The following CAST variants were observed in gnomAD, a reference collection of about 807,000 sequenced individuals.
CAST encodes the protein calpastatin.
CAST carries 76 observed loss-of-function variants against 119.6 expected under a neutral mutation model. The observed-to-expected ratio is 0.64, with a 90% CI of 0.53 to 0.77. CAST has a LOEUF of 0.77. Among genes scored for constraint, CAST ranks in the 30% least tolerant of loss-of-function variants. CAST has a pLI of 0.00. For missense variants in CAST, 953 were observed against 946.5 expected (o/e 1.01, Z -0.09); for synonymous variants, 319 against 331.6 (o/e 0.96, Z 0.41).
At chr5:96,349,137 C>CTCTTTTTTTTTT in the CAST span, among the ~76,000 whole-genome samples, 1 of 31,322 alleles carries the variant, frequency 3.2e-5, no homozygotes, top group Non-Finnish European at 5.9e-5. Context: ...AACAAGGACA[C>CTCTTTTTTTTTT]TATTTTTTTT....
intron 1 of CAST, among the ~76,000 whole-genome samples, chr5:96,625,371 A>G (rs538471361): frequency 6.6e-6 from 1 of 152,290 alleles, no homozygotes; most frequent in African/African-American, 2.4e-5. Context: ...ACTGGAATAG[A>G]CCAAAATTGT....
the CAST span, chr5:95,961,925 C>T: frequency 4.6e-6 from 3 of 646,006 alleles, no homozygotes; most frequent in African/African-American, 1.9e-5. Context: ...GCCCCGGGCT[C>T]GTCTCATTGG....
At chr5:96,770,913 A>T (rs764937796) in intron 30 of CAST, among the ~76,000 whole-genome samples, 37 of 152,146 alleles carry the variant, frequency 2.4e-4, no homozygotes, top group Non-Finnish European at 4.1e-4. Flanking sequence ...AGAACATGGA[A>T]GTTGGAAACT....
chr5:96,384,572 C>T, the CAST span, among the ~76,000 whole-genome samples: 3 of 152,112 alleles, frequency 2.0e-5, no homozygotes, highest in Non-Finnish European at 4.4e-5. Context: ...ACCTCTTTTC[C>T]GTCAGCTGAC....
At chr5:96,046,259 A>G in the CAST span, among the ~76,000 whole-genome samples, 1 of 152,148 alleles carries the variant, frequency 6.6e-6, no homozygotes, top group African/African-American at 2.4e-5. Context: ...TATAATAAAC[A>G]TATTAGAGTG....
chr5:96,195,731 G>A, the CAST span, among the ~76,000 whole-genome samples: 1,260 of 152,188 alleles, frequency 8.3e-3, 21 homozygotes, highest in African/African-American at 0.028. Flanking sequence ...AGTCATGACC[G>A]AATTATAAAA....
At chr5:96,109,844 A>G in the CAST span, among the ~76,000 whole-genome samples, 1 of 152,154 alleles carries the variant, frequency 6.6e-6, no homozygotes, top group African/African-American at 2.4e-5. Context: ...TTTATAAACT[A>G]ACGTCTTAAT....
the CAST span, among the ~76,000 whole-genome samples, chr5:96,006,921 A>G: frequency 6.6e-6 from 1 of 152,238 alleles, no homozygotes; most frequent in African/African-American, 2.4e-5. Context: ...AAAGAAAATG[A>G]CAGCCTTGCA....
At chr5:96,116,540 T>G in the CAST span, among the ~76,000 whole-genome samples, 10 of 152,222 alleles carry the variant, frequency 6.6e-5, no homozygotes, top group Non-Finnish European at 1.2e-4. Flanking sequence ...CAGCAATATA[T>G]TAGAGTCTGG....
chr5:96,618,787 G>T lies in CAST; in HGVS notation c.61-56752G>T, dbSNP rs6892479. Among the ~76,000 whole-genome samples the T allele has an allele frequency of 3.5e-3, 540 of 152,320 alleles. 6 individuals are homozygous for T. Among genetic ancestry groups the T allele is most frequent in the African/African-American group, 0.012 (516 of 41,576 alleles). On this transcript the variant is annotated intron_variant, in intron 1 of 11. Transcript: ENST00000505143. ...GGGACCTGCAGTCCACCATGCCCGAGCCTCCCCCACCCCGTGGGCTCCCGG... is the reference window on the plus strand; with the variant it reads ...GGGACCTGCAGTCCACCATGCCCGATCCTCCCCCACCCCGTGGGCTCCCGG...
chr5:96,466,059 A>G, the CAST span, among the ~76,000 whole-genome samples: 2 of 152,086 alleles, frequency 1.3e-5, no homozygotes, highest in Non-Finnish European at 2.9e-5. Flanking sequence ...CATTAGCCAC[A>G]ATATACTTAC....
At chr5:96,663,004 G>A (rs1748773072) in intron 1 of CAST, 1 of 669,976 alleles carries the variant, frequency 1.5e-6, no homozygotes, top group East Asian at 2.7e-5. Context: ...CCTGGCAGCC[G>A]CCTTGGGATG....
At chr5:96,229,551 G>C in the CAST span, among the ~76,000 whole-genome samples, 1 of 152,118 alleles carries the variant, frequency 6.6e-6, no homozygotes. Flanking sequence ...AGCCACAACA[G>C]TACTGCAGGA....
At chr5:96,523,483 C>T (rs558501856), upstream of CAST, among the ~76,000 whole-genome samples, 4 of 152,216 alleles carry the variant, frequency 2.6e-5, no homozygotes, top group Non-Finnish European at 4.4e-5. Context: ...GCCCCAGTGA[C>T]CACACTAAGC....
At chr5:96,005,332 G>T in the CAST span, among the ~76,000 whole-genome samples, 1 of 152,148 alleles carries the variant, frequency 6.6e-6, no homozygotes, top group Non-Finnish European at 1.5e-5. Context: ...GGACACTCTG[G>T]AATAGAAATA....
chr5:96,710,903 A>G (rs1755999388), intron 3 of CAST, among the ~76,000 whole-genome samples: 1 of 151,842 alleles, frequency 6.6e-6, no homozygotes, highest in South Asian at 2.1e-4. Flanking sequence ...CTGAATATTC[A>G]GAGTTTAAAA....
intron 31 of CAST, 103 bp downstream of exon 31, chr5:96,771,805 C>A: frequency 1.5e-6 from 1 of 687,744 alleles, no homozygotes; most frequent in African/African-American, 1.8e-5. Context: ...AATTCATGCT[C>A]ACTTTACAGT....
chr5:95,971,338 A>C, the CAST span, among the ~76,000 whole-genome samples: 1 of 152,220 alleles, frequency 6.6e-6, no homozygotes, highest in Non-Finnish European at 1.5e-5. Flanking sequence ...AATATTTGCC[A>C]AAACAGAAGC....
the CAST span, among the ~76,000 whole-genome samples, chr5:95,993,168 G>C: frequency 6.6e-6 from 1 of 151,988 alleles, no homozygotes; most frequent in Non-Finnish European, 1.5e-5. Context: ...AATTTGGTGG[G>C]GAAAAGGATA....
Sources: allele counts gnomAD v4.1 joint callset (sites outside exome capture counted in the v4.1 genomes callset), GRCh38; gene constraint gnomAD v4.1.1; transcripts MANE v1.5; gene names NCBI Gene and HGNC (gene_info 2026-07-23, HGNC 2026-07-21).